The following SNTG1 variants were observed in gnomAD, a reference collection of about 807,000 sequenced individuals.
The protein encoded by SNTG1 is gamma-1-syntrophin.
In SNTG1, 39 loss-of-function variants were observed where a neutral mutation model predicts 74.7. The ratio of observed to expected loss-of-function variants is 0.52; its 90% CI spans 0.40 to 0.68. The LOEUF (loss-of-function observed/expected upper bound fraction) is 0.68. Among genes scored for constraint, SNTG1 ranks in the 30% least tolerant of loss-of-function variants. The pLI, the probability that SNTG1 is intolerant of heterozygous loss-of-function variation, is 0.00. For missense variants in SNTG1, 685 were observed against 609.5 expected, an observed-to-expected ratio of 1.12 and a Z score of -1.30; for synonymous variants, 254 against 217.1, an observed-to-expected ratio of 1.17 and a Z score of -1.49.
chr8:50,394,945 T>C (rs2092708519), intron 3 of SNTG1, among the ~76,000 whole-genome samples: 1 of 152,104 alleles, frequency 6.6e-6, no homozygotes, highest in Non-Finnish European at 1.5e-5. Flanking sequence ...TGTTTTATAT[T>C]TGTTTAAAAG....
intron 1 of SNTG1, among the ~76,000 whole-genome samples, chr8:49,912,929 A>G (rs1805706280): frequency 6.6e-6 from 1 of 152,216 alleles, no homozygotes; most frequent in African/African-American, 2.4e-5. Flanking sequence ...TGCAAAATAC[A>G]TTTGTCAGTG....
At chr8:50,075,272 C>T (rs1821750320) in intron 1 of SNTG1, among the ~76,000 whole-genome samples, 1 of 152,196 alleles carries the variant, frequency 6.6e-6, no homozygotes, top group African/African-American at 2.4e-5. Flanking sequence ...GACTGACTGA[C>T]TGGCGGCCCC....
chr8:50,265,439 C>A (rs1322145918), intron 2 of SNTG1, among the ~76,000 whole-genome samples: 1 of 151,992 alleles, frequency 6.6e-6, no homozygotes, highest in South Asian at 2.1e-4. Flanking sequence ...ATAGTGCATA[C>A]ACTCAGGAGA....
At chr8:50,159,600 T>C (rs2082354642) in intron 1 of SNTG1, among the ~76,000 whole-genome samples, 1 of 152,226 alleles carries the variant, frequency 6.6e-6, no homozygotes, top group Non-Finnish European at 1.5e-5. Flanking sequence ...ATCATGTTTA[T>C]ATAGAGAATA....
chr8:50,102,719 C>T (rs888311282), intron 1 of SNTG1, among the ~76,000 whole-genome samples: 1 of 151,214 alleles, frequency 6.6e-6, no homozygotes, highest in South Asian at 2.1e-4. Flanking sequence ...TTTAATCCAT[C>T]TTGAATTAAT....
chr8:50,759,057 G>A lies in SNTG1; in HGVS notation c.1395+6946G>A, dbSNP rs565797837. ...TGGTTTTGATTTGCATTTCTCTAAT[G>A]ACCAGTGAAGATGAGCATTTTTTCA... is the stretch of plus-strand genomic sequence containing the variant. On this transcript the variant is annotated intron_variant, in intron 18 of 18. Coordinates refer to ENST00000642720, the MANE Select transcript of SNTG1 (RefSeq NM_018967.5). Among the ~76,000 whole-genome samples the A allele has an allele frequency of 1.6e-3, 241 of 152,178 alleles. 1 individual carries two copies. The highest frequency in any genetic ancestry group is 6.8e-3 in the Middle Eastern group (2 of 292).
chr8:50,121,766 T>C lies in SNTG1; in HGVS notation c.-102-50795T>C, dbSNP rs1241489262. 1.4e-5 allele frequency among the ~76,000 whole-genome samples: 2 copies of C among 141,442 alleles called. 1 individual carries two copies. Among genetic ancestry groups the C allele is most frequent in the African/African-American group, 5.1e-5 (2 of 39,012 alleles). The allele number at this position is 141,442 out of a possible 152,430, so 92.8% of individuals were successfully genotyped here. ...GTCCCAGTTACTCGGGAGGCTAAGG[T>C]TGGAGGATTGTTGGAGCCCAGGACT... On this transcript the variant is annotated intron_variant, in intron 1 of 18. Coordinates refer to ENST00000642720, the MANE Select transcript of SNTG1 (RefSeq NM_018967.5).
intron 1 of SNTG1, among the ~76,000 whole-genome samples, chr8:49,964,556 A>T (rs536790031): frequency 6.6e-6 from 1 of 152,308 alleles, no homozygotes; most frequent in Non-Finnish European, 1.5e-5. Flanking sequence ...CATATACTCT[A>T]TCTGTTCTGT....
intron 1 of SNTG1, among the ~76,000 whole-genome samples, chr8:50,113,486 G>A (rs552516198): frequency 4.1e-4 from 63 of 152,282 alleles, no homozygotes; most frequent in African/African-American, 1.4e-3. Flanking sequence ...ATTTTGGGCT[G>A]AGACGATGGG....
chr8:50,143,650 A>C (rs1244378620), intron 1 of SNTG1, among the ~76,000 whole-genome samples: 2 of 152,252 alleles, frequency 1.3e-5, no homozygotes, highest in African/African-American at 4.8e-5. Context: ...CTTAGCAAGC[A>C]GTCTGTAAAA....
intron 15 of SNTG1, among the ~76,000 whole-genome samples, chr8:50,696,059 T>C (rs1207575736): frequency 1.3e-5 from 2 of 151,908 alleles, no homozygotes; most frequent in African/African-American, 4.8e-5. Context: ...TTCCATAAAG[T>C]TTGTACCAAT....
At chr8:50,131,815 T>A (rs2081328572) in intron 1 of SNTG1, among the ~76,000 whole-genome samples, 1 of 152,088 alleles carries the variant, frequency 6.6e-6, no homozygotes, top group Non-Finnish European at 1.5e-5. Context: ...AACAAGGATG[T>A]CCCTCTCTTC....
chr8:50,433,322 T>C (rs1036050772), intron 4 of SNTG1, among the ~76,000 whole-genome samples: 2 of 152,200 alleles, frequency 1.3e-5, no homozygotes, highest in Admixed American at 1.3e-4. Context: ...GTTCATTTCA[T>C]AAGCCTTTAT....
intron 8 of SNTG1, among the ~76,000 whole-genome samples, chr8:50,481,757 T>A (rs1162757461): frequency 1.3e-5 from 2 of 152,370 alleles, no homozygotes; most frequent in East Asian, 3.9e-4. Flanking sequence ...AATGTTTTGA[T>A]GATTGGTGTG....
intron 1 of SNTG1, among the ~76,000 whole-genome samples, chr8:50,002,911 G>A (rs999981820): frequency 2.6e-5 from 4 of 152,146 alleles, no homozygotes; most frequent in African/African-American, 9.7e-5. Context: ...ATATTATACA[G>A]CTGTGAGAAG....
intron 18 of SNTG1, among the ~76,000 whole-genome samples, chr8:50,764,908 A>G (rs2095609849): frequency 6.6e-6 from 1 of 152,056 alleles, no homozygotes; most frequent in Non-Finnish European, 1.5e-5. Context: ...ATGGATAAAT[A>G]AAATATGGTA....
intron 1 of SNTG1, among the ~76,000 whole-genome samples, chr8:50,137,332 G>T (rs1420459372): frequency 6.6e-6 from 1 of 152,106 alleles, no homozygotes. Flanking sequence ...GGGACGCTCT[G>T]AGTCCCCCAT....
At chr8:49,977,575 A>G (rs915067635) in intron 1 of SNTG1, among the ~76,000 whole-genome samples, 2 of 152,212 alleles carry the variant, frequency 1.3e-5, no homozygotes, top group Non-Finnish European at 2.9e-5. Flanking sequence ...AGCAAACAGA[A>G]ACATCCGAGG....
intron 2 of SNTG1, among the ~76,000 whole-genome samples, chr8:50,356,954 T>G (rs16914760): frequency 6.6e-6 from 1 of 152,124 alleles, no homozygotes; most frequent in Non-Finnish European, 1.5e-5. Context: ...GAGCTGGACA[T>G]GGGTTCTGTT....
Sources: allele counts gnomAD v4.1 joint callset (sites outside exome capture counted in the v4.1 genomes callset), GRCh38; gene constraint gnomAD v4.1.1; transcripts MANE v1.5; gene names NCBI Gene and HGNC (gene_info 2026-07-23, HGNC 2026-07-21).